CEMIP2: variants seen among roughly 807,000 people sequenced by gnomAD.
CEMIP2 encodes the protein cell surface hyaluronidase CEMIP2.
Under a neutral mutation model 146.9 loss-of-function variants are expected in CEMIP2, and 79 were observed. That is an observed-to-expected ratio of 0.54 (90% CI 0.45 to 0.65). The LOEUF (loss-of-function observed/expected upper bound fraction) is 0.65. Ranked by LOEUF, CEMIP2 falls within the 30% of genes least tolerant of loss-of-function variation. The pLI is 0.00. For synonymous variants in CEMIP2, 601 were observed against 606.3 expected (o/e 0.99, Z 0.13); for missense variants, 1,596 against 1,696.2 (o/e 0.94, Z 1.04).
At chr9:71,736,367 G>A (rs576689479) in intron 5 of CEMIP2, among the ~76,000 whole-genome samples, 20 of 152,222 alleles carry the variant, frequency 1.3e-4, no homozygotes, top group Admixed American at 1.0e-3. Context: ...ATCAGTGAAG[G>A]TAGCAGGGTA....
chr9:71,766,548 T>TAGAA (rs1824803603), intron 1 of CEMIP2, among the ~76,000 whole-genome samples: 1 of 152,252 alleles, frequency 6.6e-6, no homozygotes, highest in Non-Finnish European at 1.5e-5. Flanking sequence ...TTAGGCCTAT[T>TAGAA]AGAACATGAC....
At position 71,700,950 on chromosome 9, in the gene CEMIP2, CCTT is replaced by C. The variant is rs147089500; in HGVS notation, c.3195-129_3195-127del. ...CACTTCCTGCCCATAGTTTTCTCCT[CCTT>C]AAATTTCTTCTGTGTGTTGGGCCAC... On this transcript the variant is annotated intron_variant, in intron 18 of 23. Coordinates refer to ENST00000377044, the MANE Select transcript of CEMIP2 (RefSeq NM_013390.3). 3,347 of 853,318 alleles carry C rather than the reference CCTT, an allele frequency of 3.9e-3. 80 individuals carry two copies. In the African/African-American group the frequency reaches 0.048, roughly 12 times the overall value. 52.9% of individuals were successfully genotyped at this position (853,318 alleles called of 1,614,324 possible).
chr9:71,689,527 C>T (rs1822165142), intron 22 of CEMIP2, among the ~76,000 whole-genome samples: 2 of 152,188 alleles, frequency 1.3e-5, no homozygotes, highest in South Asian at 2.1e-4. Context: ...TCTGTAAGAG[C>T]GATTGCACAC....
chr9:71,709,858 A>T (rs1822855103), intron 16 of CEMIP2, among the ~76,000 whole-genome samples: 1 of 152,248 alleles, frequency 6.6e-6, no homozygotes, highest in Admixed American at 6.5e-5. Context: ...AAAATTATAA[A>T]CTGTACATGT....
At chr9:71,741,146 A>C (rs541070623) in intron 4 of CEMIP2, among the ~76,000 whole-genome samples, 1 of 150,868 alleles carries the variant, frequency 6.6e-6, no homozygotes, top group East Asian at 1.9e-4. Context: ...GATTTTTTAA[A>C]GTCTCCAGGT....
intron 10 of CEMIP2, among the ~76,000 whole-genome samples, chr9:71,728,227 CTCTCTA>C (rs1261992073): frequency 3.4e-3 from 63 of 18,698 alleles, no homozygotes; most frequent in African/African-American, 8.3e-3. Context: ...CTCTCTCTCT[CTCTCTA>C]TATATATATA....
In CEMIP2 at chr9:71,748,892, T is replaced by C. The variant is rs142024398; in HGVS notation, c.331+1151A>G. Among the ~76,000 whole-genome samples, 970 of 152,308 alleles carry C rather than the reference T, an allele frequency of 6.4e-3. 37 individuals are homozygous for C. Among genetic ancestry groups the C allele is most frequent in the Admixed American group, 0.048 (741 of 15,284 alleles). ...ATAAAGTATTTGTAAGTCTTATAAG[T>C]AGTAAAATGCCTCTGAACTGTTACA... is the stretch of plus-strand genomic sequence containing the variant. On this transcript the variant is annotated intron_variant, in intron 2 of 23. Transcript: ENST00000377044.
chr9:71,760,341 G>T (rs1469413534), intron 1 of CEMIP2, among the ~76,000 whole-genome samples: 2 of 152,180 alleles, frequency 1.3e-5, no homozygotes, highest in Non-Finnish European at 2.9e-5. Context: ...GTTAAAATAT[G>T]AATCCCTCAA....
chr9:71,688,284 C>G (rs904368538), intron 22 of CEMIP2, among the ~76,000 whole-genome samples: 2 of 151,974 alleles, frequency 1.3e-5, no homozygotes, highest in African/African-American at 4.8e-5. Flanking sequence ...AGGATACCTA[C>G]AGGAAGTTGA....
chr9:71,728,183 C>T (rs1259448554), intron 10 of CEMIP2, among the ~76,000 whole-genome samples: 1 of 132,620 alleles, frequency 7.5e-6, no homozygotes, highest in Non-Finnish European at 1.6e-5. Context: ...CTGGTCAACA[C>T]AGCGAAACCT....
rs757466827 is a variant in CEMIP2 at position 71,685,405 on chromosome 9, A to AAG, written c.3956-13_3956-12insCT. On this transcript the variant is annotated splice_polypyrimidine_tract_variant and intron_variant, in intron 23 of 23. Coordinates refer to ENST00000377044, the MANE Select transcript of CEMIP2 (RefSeq NM_013390.3). ...AAATATGGTACTCCCTAAAAAAAAA[A>AAG]AAAAAAAAGAAAAAGAAAAAAAATC... 2 of 1,496,196 alleles carry AAG rather than the reference A, an allele frequency of 1.3e-6. No individual in the cohort carries two copies. Among genetic ancestry groups the AAG allele is most frequent in the African/African-American group, 1.4e-5 (1 of 69,554 alleles). 92.7% of individuals were successfully genotyped at this position (1,496,196 alleles called of 1,614,324 possible). A position where few individuals can be genotyped will look rare whatever the true frequency, so the allele number is the denominator to read the frequency against.
intron 1 of CEMIP2, among the ~76,000 whole-genome samples, chr9:71,764,981 C>G (rs1223561935): frequency 6.6e-6 from 1 of 151,292 alleles, no homozygotes; most frequent in African/African-American, 2.4e-5. Flanking sequence ...GAAGGGCTAG[C>G]TTGGCTTGGG....
intron 22 of CEMIP2, chr9:71,686,974 C>T (rs758568736): frequency 9.2e-5 from 14 of 152,228 alleles, no homozygotes; most frequent in Non-Finnish European, 1.5e-4. Context: ...ATGTGTTTTC[C>T]ATGGTTTGAA....
chr9:71,728,235 A>C (rs866591360), intron 10 of CEMIP2, among the ~76,000 whole-genome samples: 843 of 30,024 alleles, frequency 0.028, 31 homozygotes, highest in Non-Finnish European at 0.04. Context: ...CTCTCTCTAT[A>C]TATATATATA....
chr9:71,703,224 G>T (rs1284870192), intron 18 of CEMIP2, among the ~76,000 whole-genome samples: 1 of 152,134 alleles, frequency 6.6e-6, no homozygotes, highest in African/African-American at 2.4e-5. Flanking sequence ...ATGACTTTAG[G>T]AGCTGGAACC....
rs36080695 is a variant in CEMIP2 at position 71,685,395 on chromosome 9, T to TAAAAAAAAAAA, written c.3956-13_3956-3dup. On this transcript the variant is annotated splice_region_variant and splice_polypyrimidine_tract_variant and intron_variant, in intron 23 of 23. Coordinates refer to ENST00000377044, the MANE Select transcript of CEMIP2 (RefSeq NM_013390.3). The stretch of plus-strand genomic sequence containing the variant: ...TGAATCCCAAAAATATGGTACTCCC[T>TAAAAAAAAAAA]AAAAAAAAAAAAAAAAAAGAAAAAG... The TAAAAAAAAAAA allele has an allele frequency of 1.5e-4, 181 of 1,178,786 alleles. No individual in the cohort carries two copies. Among genetic ancestry groups the TAAAAAAAAAAA allele is most frequent in the East Asian group, 8.9e-4 (27 of 30,382 alleles). The allele number at this position is 1,178,786 out of a possible 1,614,324, so 73.0% of individuals were successfully genotyped here.
intron 10 of CEMIP2, among the ~76,000 whole-genome samples, chr9:71,726,144 G>A (rs770054828): frequency 6.6e-6 from 1 of 152,066 alleles, no homozygotes; most frequent in African/African-American, 2.4e-5. Flanking sequence ...AGCACGCAGA[G>A]ATCACTGACT....
At position 71,715,236 on chromosome 9, in the gene CEMIP2, GCTTTT is replaced by G. The variant is rs1383556735; in HGVS notation, c.2436-152_2436-148del. 7.2e-3 allele frequency: 2,718 copies of G among 378,438 alleles called. 9 individuals carry two copies. The highest frequency in any genetic ancestry group is 0.015 in the South Asian group (360 of 23,710). 23.4% of individuals were successfully genotyped at this position (378,438 alleles called of 1,614,324 possible). On this transcript the variant is annotated intron_variant, in intron 14 of 23. Coordinates refer to ENST00000377044, the MANE Select transcript of CEMIP2 (RefSeq NM_013390.3). The stretch of plus-strand genomic sequence containing the variant: ...ACACATTCACAAGTCTTCAGAAACT[GCTTTT>G]TTTTTTTTTTTTTTTTTTTGAGACA...
intron 5 of CEMIP2, among the ~76,000 whole-genome samples, chr9:71,739,776 T>C (rs913512289): frequency 1.3e-5 from 2 of 152,162 alleles, no homozygotes; most frequent in African/African-American, 4.8e-5. Context: ...ATTTTTTTTT[T>C]AGCCCATCAG....
Sources: allele counts gnomAD v4.1 joint callset (sites outside exome capture counted in the v4.1 genomes callset), GRCh38; gene constraint gnomAD v4.1.1; transcripts MANE v1.5; gene names NCBI Gene and HGNC (gene_info 2026-07-23, HGNC 2026-07-21).